Variants in WWOX observed in about 807,000 individuals in gnomAD.
WWOX encodes WW domain-containing oxidoreductase.
In WWOX, 69 loss-of-function variants were observed where a neutral mutation model predicts 46.2. The ratio of observed to expected loss-of-function variants is 1.49; its 90% CI spans 1.23 to 1.82. WWOX has a LOEUF of 1.82. Ranked by LOEUF, WWOX falls within the 40% of genes most tolerant of loss-of-function variation. WWOX has a pLI of 0.00. For missense variants in WWOX, 919 were observed against 542.6 expected, an observed-to-expected ratio of 1.69 and a Z score of -6.89; for synonymous variants, 359 against 202.6, an observed-to-expected ratio of 1.77 and a Z score of -6.56.
intron 8 of WWOX, among the ~76,000 whole-genome samples, chr16:79,085,071 A>C (rs936207493): frequency 6.6e-6 from 1 of 152,212 alleles, no homozygotes; most frequent in East Asian, 1.9e-4. Context: ...GATTACAGGC[A>C]TGAGTCGCCA....
chr16:79,067,128 G>C (rs1370665118), intron 8 of WWOX, among the ~76,000 whole-genome samples: 1 of 152,224 alleles, frequency 6.6e-6, no homozygotes, highest in Non-Finnish European at 1.5e-5. Context: ...TGGAGGCCCT[G>C]TCTAGGGCCT....
At chr16:79,196,128 A>C (rs2051235083) in intron 8 of WWOX, among the ~76,000 whole-genome samples, 1 of 152,260 alleles carries the variant, frequency 6.6e-6, no homozygotes, top group Non-Finnish European at 1.5e-5. Flanking sequence ...ATAAAGTTAC[A>C]GAAGTGCAGT....
chr16:78,460,851 G>A (rs1307937684), intron 8 of WWOX, among the ~76,000 whole-genome samples: 3 of 152,184 alleles, frequency 2.0e-5, no homozygotes, highest in Non-Finnish European at 4.4e-5. Context: ...GTTACGTGAG[G>A]ACACATCACT....
chr16:78,539,966 G>C lies in WWOX; in HGVS notation c.1056+107214G>C, dbSNP rs570043349. 4.0e-5 allele frequency among the ~76,000 whole-genome samples: 6 copies of C among 149,188 alleles called. No individual in the cohort carries two copies. The East Asian group carries it at 1.2e-3, about 29-fold the overall frequency. ...CCTTTCCCATTTCACAGTGTTTCTAGCTCCCCTTTCCAATACATCTCTCTC... is the reference window on the plus strand; with the variant it reads ...CCTTTCCCATTTCACAGTGTTTCTACCTCCCCTTTCCAATACATCTCTCTC... On this transcript the variant is annotated intron_variant, in intron 8 of 8. Transcript: ENST00000566780.
chr16:78,806,023 T>C (rs2051026555), intron 8 of WWOX, among the ~76,000 whole-genome samples: 1 of 152,174 alleles, frequency 6.6e-6, no homozygotes, highest in African/African-American at 2.4e-5. Flanking sequence ...AAATAATGAA[T>C]TAATCCAAAG....
chr16:79,104,450 C>T (rs1232271355), intron 8 of WWOX, among the ~76,000 whole-genome samples: 5 of 152,224 alleles, frequency 3.3e-5, no homozygotes, highest in South Asian at 2.1e-4. Context: ...TCCATTCATC[C>T]GTCTATCATA....
chr16:78,874,982 G>A (rs973150614), intron 8 of WWOX, among the ~76,000 whole-genome samples: 2 of 152,166 alleles, frequency 1.3e-5, no homozygotes, highest in Admixed American at 1.3e-4. Flanking sequence ...TTGCATACAT[G>A]CCTTTGAGGA....
rs1209166692 is a variant in WWOX at position 78,432,613 on chromosome 16, A to G, written c.917A>G (p.Glu306Gly). The change falls in exon 8 of 9, where the codon GAG becomes GGG. Residue 306 changes from glutamate to glycine, a missense_variant. Transcript: ENST00000566780. ...CTCTGCAACATCCTCTTCTCCAACG[A>G]GCTGCACCGTCGCCTCTCCCCACGC... ...SKLCNILFSN[E>G]LHRRLSPRGV... 8 of 1,614,138 alleles carry G rather than the reference A, an allele frequency of 5.0e-6. No homozygotes were observed. Among genetic ancestry groups the G allele is most frequent in the Non-Finnish European group, 6.8e-6 (8 of 1,180,028 alleles).
chr16:78,703,703 T>G (rs2048274060), intron 8 of WWOX, among the ~76,000 whole-genome samples: 1 of 152,134 alleles, frequency 6.6e-6, no homozygotes, highest in African/African-American at 2.4e-5. Context: ...CTCGGAAATT[T>G]CAAATGCTTG....
rs12448883 is a variant in WWOX, at chr16:79,209,956, G to C, written c.1057-1652G>C. Among the ~76,000 whole-genome samples, 456 of 152,324 alleles carry C rather than the reference G, an allele frequency of 3.0e-3. 4 individuals are homozygous for C. Among genetic ancestry groups the C allele is most frequent in the Admixed American group, 0.023 (354 of 15,306 alleles). On this transcript the variant is annotated intron_variant, in intron 8 of 8. Transcript: ENST00000566780. The stretch of plus-strand genomic sequence containing the variant: ...TGGGAAAAGAAACAGCTGAATCCAG[G>C]ATAATATCTGGCTATTTGGAGTGGG...
chr16:79,056,199 T>C (rs945111870), intron 8 of WWOX, among the ~76,000 whole-genome samples: 4 of 140,762 alleles, frequency 2.8e-5, no homozygotes, highest in Admixed American at 7.4e-5. Context: ...TGCTAAGTAA[T>C]AGGCTGTCAC....
At chr16:78,169,238 A>C (rs1186126066) in intron 5 of WWOX, among the ~76,000 whole-genome samples, 1 of 152,174 alleles carries the variant, frequency 6.6e-6, no homozygotes, top group Non-Finnish European at 1.5e-5. Context: ...TGGTGGAATA[A>C]GATGTTTTCC....
intron 8 of WWOX, among the ~76,000 whole-genome samples, chr16:78,680,682 C>G (rs1001699249): frequency 1.6e-4 from 25 of 152,246 alleles, no homozygotes; most frequent in African/African-American, 4.8e-4. Flanking sequence ...AACATCCGGA[C>G]ACATCTAGTG....
At chr16:78,548,014 G>C (rs1013177282) in intron 8 of WWOX, among the ~76,000 whole-genome samples, 2 of 151,914 alleles carry the variant, frequency 1.3e-5, no homozygotes, top group Non-Finnish European at 2.9e-5. Context: ...AATTAGCCGG[G>C]TGTGGTGGTG....
At chr16:78,999,067 G>A (rs191032178) in intron 8 of WWOX, among the ~76,000 whole-genome samples, 65 of 152,130 alleles carry the variant, frequency 4.3e-4, no homozygotes, top group African/African-American at 1.3e-3. Context: ...TATTCCGGAC[G>A]TGGAAATCAA....
intron 8 of WWOX, among the ~76,000 whole-genome samples, chr16:78,929,946 C>G (rs996857661): frequency 6.6e-6 from 1 of 152,158 alleles, no homozygotes; most frequent in Non-Finnish European, 1.5e-5. Context: ...TAAAAATTCC[C>G]TGTGCTAACT....
chr16:79,051,231 A>G (rs1304054102), intron 8 of WWOX, among the ~76,000 whole-genome samples: 1 of 152,274 alleles, frequency 6.6e-6, no homozygotes, highest in East Asian at 1.9e-4. Flanking sequence ...TTGCTGTGGG[A>G]AGGGGAAACT....
At chr16:79,042,813 A>G (rs2047997914) in intron 8 of WWOX, among the ~76,000 whole-genome samples, 1 of 151,452 alleles carries the variant, frequency 6.6e-6, no homozygotes. Flanking sequence ...TGAACCATGC[A>G]AGTACCAAAA....
rs1241615322 is a variant in WWOX at position 78,446,727 on chromosome 16, C to T, written c.1056+13975C>T. On this transcript the variant is annotated intron_variant, in intron 8 of 8. Coordinates refer to ENST00000566780, the MANE Select transcript of WWOX (RefSeq NM_016373.4). ...CCAGGCTGGAATGCAGTGGCATTTTCTCGGCTCACTGCAGCCTCCGCCTCC... is the reference window on the plus strand; with the variant it reads ...CCAGGCTGGAATGCAGTGGCATTTTTTCGGCTCACTGCAGCCTCCGCCTCC... Among the ~76,000 whole-genome samples the T allele has an allele frequency of 5.3e-5, 6 of 114,096 alleles. No individual in the cohort carries two copies. In the East Asian group the frequency reaches 1.6e-3, roughly 31 times the overall value. The allele number at this position is 114,096 out of a possible 152,430, so 74.9% of individuals were successfully genotyped here. A position where few individuals can be genotyped will look rare whatever the true frequency, so the allele number is the denominator to read the frequency against.
Sources: gnomAD v4.1 joint callset for allele counts (sites outside exome capture counted in the v4.1 genomes callset) on GRCh38, gnomAD v4.1.1 for gene constraint, MANE v1.5 for transcripts, NCBI Gene and HGNC (gene_info 2026-07-23, HGNC 2026-07-21) for gene names.